Variants in CDK14 observed in about 807,000 individuals in gnomAD.
CDK14 encodes the protein cyclin-dependent kinase 14.
Under a neutral mutation model 60.7 loss-of-function variants are expected in CDK14, and 34 were observed. That is an observed-to-expected ratio of 0.56 (90% CI 0.43 to 0.75). CDK14 has a LOEUF of 0.75. CDK14 is among the 30% of genes least tolerant of loss of function. The pLI, the probability that CDK14 is intolerant of heterozygous loss-of-function variation, is 0.00. For synonymous variants in CDK14, 197 were observed against 203.7 expected, an observed-to-expected ratio of 0.97 and a Z score of 0.28; for missense variants, 482 against 564.1, an observed-to-expected ratio of 0.85 and a Z score of 1.47.
At chr7:91,007,040 C>A (rs1164116004) in intron 10 of CDK14, among the ~76,000 whole-genome samples, 1 of 152,192 alleles carries the variant, frequency 6.6e-6, no homozygotes, top group Non-Finnish European at 1.5e-5. Flanking sequence ...CATATGTTAT[C>A]TTGGTAGAAA....
rs115191901 is a variant in CDK14 at position 90,925,443 on chromosome 7, G to T, written c.826+7719G>T. On this transcript the variant is annotated intron_variant, in intron 8 of 14. Coordinates refer to ENST00000380050, the MANE Select transcript of CDK14 (RefSeq NM_001287135.2). ...GAGGCATAAGCAGAGGATGGAAAAC[G>T]ATGGAAGATTTCAAGATCAAATGTT... Among the ~76,000 whole-genome samples, 1,169 of 152,294 alleles carry T rather than the reference G, an allele frequency of 7.7e-3. 18 individuals carry two copies. The highest frequency in any genetic ancestry group is 0.027 in the African/African-American group (1,128 of 41,540).
chr7:90,664,690 C>CA (rs1371546374), intron 2 of CDK14, among the ~76,000 whole-genome samples: 5 of 142,416 alleles, frequency 3.5e-5, no homozygotes, highest in African/African-American at 1.0e-4. Context: ...ATCGCAAGGA[C>CA]AAAAAACCAA....
At chr7:91,190,634 C>T (rs992267536) in intron 14 of CDK14, among the ~76,000 whole-genome samples, 1 of 152,096 alleles carries the variant, frequency 6.6e-6, no homozygotes, top group Admixed American at 6.6e-5. Flanking sequence ...TTACTACAGG[C>T]ATGCACCACC....
chr7:90,754,004 T>C (rs115499013), intron 4 of CDK14, among the ~76,000 whole-genome samples: 1,953 of 152,284 alleles, frequency 0.013, 57 homozygotes, highest in African/African-American at 0.045. Flanking sequence ...GGAAAAACAT[T>C]TCGTGCTTTT....
intron 2 of CDK14, among the ~76,000 whole-genome samples, chr7:90,605,272 G>A (rs968428927): frequency 3.9e-5 from 6 of 152,156 alleles, no homozygotes; most frequent in Non-Finnish European, 7.3e-5. Flanking sequence ...TGGGGCCACC[G>A]TCATTTGGCT....
intron 8 of CDK14, among the ~76,000 whole-genome samples, chr7:90,944,507 A>T (rs1794040308): frequency 1.3e-5 from 2 of 152,188 alleles, no homozygotes; most frequent in South Asian, 4.1e-4. Flanking sequence ...CTGAGGCGGG[A>T]GGACCACTTG....
chr7:91,000,511 A>G (rs1362826463), intron 10 of CDK14, among the ~76,000 whole-genome samples: 2 of 152,250 alleles, frequency 1.3e-5, no homozygotes, highest in Non-Finnish European at 2.9e-5. Context: ...CAAGAAAGTA[A>G]TAGAAGGATA....
intron 5 of CDK14, among the ~76,000 whole-genome samples, chr7:90,850,305 T>C (rs1056218183): frequency 6.6e-6 from 1 of 152,212 alleles, no homozygotes. Context: ...TTTATTTTTC[T>C]TGTTCATGCA....
chr7:91,051,238 C>A (rs1366641076), intron 11 of CDK14, among the ~76,000 whole-genome samples: 1 of 152,132 alleles, frequency 6.6e-6, no homozygotes, highest in Non-Finnish European at 1.5e-5. Context: ...CCCCTATGAC[C>A]CAAACACTTC....
At chr7:90,909,396 G>A (rs1239844900) in intron 7 of CDK14, among the ~76,000 whole-genome samples, 1 of 151,412 alleles carries the variant, frequency 6.6e-6, no homozygotes, top group Non-Finnish European at 1.5e-5. Context: ...CTAATTTTAG[G>A]CAGATGCCCA....
chr7:90,870,760 G>A (rs1322182033), intron 6 of CDK14, among the ~76,000 whole-genome samples: 1 of 152,148 alleles, frequency 6.6e-6, no homozygotes, highest in Non-Finnish European at 1.5e-5. Flanking sequence ...AGTAATGCTG[G>A]TTTTTAAAGG....
chr7:90,996,627 A>G (rs896805215), intron 10 of CDK14, among the ~76,000 whole-genome samples: 9 of 152,210 alleles, frequency 5.9e-5, no homozygotes, highest in Admixed American at 4.6e-4. Flanking sequence ...TCTTTTGACA[A>G]TGACAGTCAT....
At chr7:90,638,521 C>G (rs1800220439) in intron 2 of CDK14, among the ~76,000 whole-genome samples, 1 of 152,174 alleles carries the variant, frequency 6.6e-6, no homozygotes, top group African/African-American at 2.4e-5. Flanking sequence ...GATGGGCTTC[C>G]CTTTGTGGGT....
At chr7:90,845,069 GTCTC>G (rs982504010) in intron 5 of CDK14, among the ~76,000 whole-genome samples, 40 of 152,196 alleles carry the variant, frequency 2.6e-4, no homozygotes, top group African/African-American at 7.5e-4. Context: ...TTTTGTGATT[GTCTC>G]TCTCCACCAG....
intron 2 of CDK14, among the ~76,000 whole-genome samples, chr7:90,650,056 C>T (rs1044501061): frequency 3.9e-5 from 6 of 152,302 alleles, no homozygotes; most frequent in Non-Finnish European, 8.8e-5. Flanking sequence ...AATGGTTGAA[C>T]TAATTTACAC....
intron 14 of CDK14, among the ~76,000 whole-genome samples, chr7:91,186,827 C>T (rs1244037390): frequency 6.6e-6 from 1 of 152,108 alleles, no homozygotes; most frequent in Non-Finnish European, 1.5e-5. Context: ...GTTGCCGACC[C>T]TATAAAATCT....
At chr7:90,975,223 A>G (rs1363636722) in intron 9 of CDK14, among the ~76,000 whole-genome samples, 1 of 152,074 alleles carries the variant, frequency 6.6e-6, no homozygotes, top group Non-Finnish European at 1.5e-5. Flanking sequence ...TATGTATTAC[A>G]CACTCCACCC....
intron 3 of CDK14, among the ~76,000 whole-genome samples, chr7:90,736,632 C>G (rs1803126161): frequency 6.6e-6 from 1 of 151,840 alleles, no homozygotes; most frequent in South Asian, 2.1e-4. Context: ...TTATGTCATA[C>G]TTTTATTTTA....
intron 6 of CDK14, among the ~76,000 whole-genome samples, chr7:90,878,645 G>C (rs1791641231): frequency 6.6e-6 from 1 of 152,120 alleles, no homozygotes; most frequent in Non-Finnish European, 1.5e-5. Context: ...AGAAGTCACT[G>C]ACAAAATATG....
Sources: allele counts gnomAD v4.1 joint callset (sites outside exome capture counted in the v4.1 genomes callset), GRCh38; gene constraint gnomAD v4.1.1; transcripts MANE v1.5; gene names NCBI Gene and HGNC (gene_info 2026-07-23, HGNC 2026-07-21).